MALRD1: variants seen among roughly 807,000 people sequenced by gnomAD.
The protein encoded by MALRD1 is MAM and LDL-receptor class A domain-containing protein 1.
In MALRD1, 247 loss-of-function variants were observed where a neutral mutation model predicts 242.1. That is an observed-to-expected ratio of 1.02 (90% CI 0.92 to 1.13). The LOEUF (loss-of-function observed/expected upper bound fraction) is 1.13. Ranked by LOEUF, MALRD1 falls within the 50% of genes most tolerant of loss-of-function variation. MALRD1 has a pLI of 0.00. For synonymous variants in MALRD1, 995 were observed against 866.6 expected (o/e 1.15, Z -2.60); for missense variants, 2,989 against 2,533.1 (o/e 1.18, Z -3.86).
At chr10:19,461,590 G>A (rs901292528) in intron 29 of MALRD1, among the ~76,000 whole-genome samples, 2 of 152,100 alleles carry the variant, frequency 1.3e-5, no homozygotes, top group African/African-American at 2.4e-5. Context: ...GCTCACATCT[G>A]TAATCCTACA....
intron 18 of MALRD1, among the ~76,000 whole-genome samples, chr10:19,235,070 T>C (rs1838251761): frequency 6.6e-6 from 1 of 152,154 alleles, no homozygotes; most frequent in Non-Finnish European, 1.5e-5. Flanking sequence ...AGTAGCCAGA[T>C]CAAGGATATC....
chr10:19,352,156 G>A lies in MALRD1; in HGVS notation c.4300G>A (p.Glu1434Lys), dbSNP rs1844409851. 1 of 1,550,594 alleles carries A rather than the reference G, an allele frequency of 6.4e-7. No individual in the cohort carries two copies. Among genetic ancestry groups the A allele is most frequent in the Admixed American group, 2.0e-5 (1 of 50,988 alleles). ...RREELSLFGD[E>K]DFQLKFEGRV... is the part of the protein sequence containing the mutation. ...AGAAGAACTGTCACTGTTTGGTGAT[G>A]AAGACTTCCAACTCAAATTTGAAGG... The change falls in exon 26 of 40, where the codon GAA becomes AAA. Residue 1434 changes from glutamate to lysine, a missense_variant. Glu to Lys is a moderately conservative substitution (Grantham distance 56). Coordinates refer to ENST00000454679, the MANE Select transcript of MALRD1 (RefSeq NM_001142308.3).
chr10:19,069,891 C>T (rs1202515083), intron 2 of MALRD1, among the ~76,000 whole-genome samples: 5 of 151,924 alleles, frequency 3.3e-5, no homozygotes, highest in Non-Finnish European at 5.9e-5. Context: ...AAATGTACGC[C>T]GTCTGCCAAT....
intron 14 of MALRD1, among the ~76,000 whole-genome samples, chr10:19,182,513 G>A (rs908971522): frequency 2.0e-5 from 3 of 150,990 alleles, no homozygotes; most frequent in African/African-American, 7.3e-5. Flanking sequence ...TATTTTTTTA[G>A]TAGAGACGGG....
At chr10:19,211,355 G>T (rs911012487) in intron 18 of MALRD1, among the ~76,000 whole-genome samples, 4 of 151,934 alleles carry the variant, frequency 2.6e-5, no homozygotes, top group Non-Finnish European at 5.9e-5. Flanking sequence ...GGCCCGAAAA[G>T]ATGAAATCAG....
At chr10:19,667,170 A>G (rs1428372633) in intron 36 of MALRD1, among the ~76,000 whole-genome samples, 4 of 152,094 alleles carry the variant, frequency 2.6e-5, no homozygotes, top group Non-Finnish European at 5.9e-5. Context: ...AAAACTTTGG[A>G]CTGAGGCCAG....
chr10:19,120,092 A>G (rs989510101), intron 5 of MALRD1, among the ~76,000 whole-genome samples: 11 of 152,146 alleles, frequency 7.2e-5, no homozygotes, highest in Admixed American at 3.9e-4. Flanking sequence ...CATTTAGGAA[A>G]GGGTTTAATA....
Position 19,340,501 on chromosome 10 carries a change from C to T in MALRD1, c.3902-7270C>T, listed in dbSNP as rs372052169. ...AGCAAAAAATAGGAGGAAAAGGGCA[C>T]AAATCCAGACATGAAAGTAAATGTT... On this transcript the variant is annotated intron_variant, in intron 24 of 39. Coordinates refer to ENST00000454679, the MANE Select transcript of MALRD1 (RefSeq NM_001142308.3). 1.4e-4 allele frequency among the ~76,000 whole-genome samples: 22 copies of T among 152,110 alleles called. No individual in the cohort carries two copies. In the South Asian group the frequency reaches 4.2e-3, roughly 29 times the overall value.
At chr10:19,345,706 G>T (rs1051303288) in intron 24 of MALRD1, among the ~76,000 whole-genome samples, 1 of 151,716 alleles carries the variant, frequency 6.6e-6, no homozygotes, top group African/African-American at 2.4e-5. Context: ...ATTTGTATTG[G>T]CTGTTAAACA....
In MALRD1 at chr10:19,630,844, C is replaced by T. The variant is rs540659117; in HGVS notation, c.6137+14921C>T. Among the ~76,000 whole-genome samples the T allele has an allele frequency of 7.0e-4, 107 of 152,120 alleles. 1 individual carries two copies. Among genetic ancestry groups the T allele is most frequent in the South Asian group, 5.8e-3 (28 of 4,824 alleles). On this transcript the variant is annotated intron_variant, in intron 36 of 39. Transcript: ENST00000454679. ...TATATTTATATTGACAAGTATTTGCCTATATTTTTTGGTTTGTTTTTATGG... is the reference window on the plus strand; with the variant it reads ...TATATTTATATTGACAAGTATTTGCTTATATTTTTTGGTTTGTTTTTATGG...
chr10:19,238,647 A>G (rs1244539112), intron 18 of MALRD1, among the ~76,000 whole-genome samples: 1 of 122,998 alleles, frequency 8.1e-6, no homozygotes, highest in Admixed American at 9.4e-5. Context: ...TGATTATTAG[A>G]AATAGTGCTA....
chr10:19,504,663 CATTTTTTT>C (rs1177159669), intron 31 of MALRD1, among the ~76,000 whole-genome samples: 3 of 128,698 alleles, frequency 2.3e-5, no homozygotes, highest in African/African-American at 9.5e-5. Context: ...TATTGTAACA[CATTTTTTT>C]TTTTTTTTTT....
chr10:19,648,423 C>T (rs956463930), intron 36 of MALRD1, among the ~76,000 whole-genome samples: 1 of 152,168 alleles, frequency 6.6e-6, no homozygotes. Flanking sequence ...GAGGTTGAGT[C>T]CACCAAGTTA....
intron 38 of MALRD1, among the ~76,000 whole-genome samples, chr10:19,693,927 C>A (rs1403564890): frequency 2.0e-5 from 3 of 152,058 alleles, no homozygotes; most frequent in African/African-American, 7.3e-5. Flanking sequence ...TACCACACAT[C>A]TACAACCATC....
chr10:19,392,733 T>G (rs1489160387), intron 28 of MALRD1, among the ~76,000 whole-genome samples: 1 of 152,242 alleles, frequency 6.6e-6, no homozygotes, highest in Non-Finnish European at 1.5e-5. Flanking sequence ...TTGATGTTAA[T>G]TTTTTCATTT....
chr10:19,178,040 A>G (rs899980542), intron 14 of MALRD1, among the ~76,000 whole-genome samples: 22 of 152,080 alleles, frequency 1.4e-4, no homozygotes, highest in African/African-American at 3.6e-4. Context: ...GCCTTTCCTG[A>G]GCTCTTACCG....
Position 19,389,504 on chromosome 10 carries a change from A to C in MALRD1, c.4740A>C (p.Ala1580=). 6.5e-7 allele frequency: 1 copy of C among 1,549,358 alleles called. No homozygotes were observed. Among genetic ancestry groups the C allele is most frequent in the Non-Finnish European group, 8.7e-7 (1 of 1,146,940 alleles). The change falls in exon 28 of 40, where the codon GCA becomes GCC. Residue 1580 remains alanine, a synonymous_variant. Transcript: ENST00000454679. The part of the protein sequence containing the change: ...ATAVGLRGDK[A]HFRSTMWRES... ...CAGTGGGCCTTCGGGGTGACAAAGC[A>C]CACTTCAGGAGTACCATGTGGCGAG... is the stretch of plus-strand genomic sequence containing the variant.
intron 21 of MALRD1, among the ~76,000 whole-genome samples, chr10:19,312,491 A>C (rs1353231919): frequency 1.3e-5 from 2 of 150,708 alleles, no homozygotes; most frequent in African/African-American, 4.9e-5. Context: ...AGGGATTAAA[A>C]TTTGAAAGCA....
chr10:19,369,492 A>C (rs1224421794), intron 26 of MALRD1, among the ~76,000 whole-genome samples: 1 of 148,840 alleles, frequency 6.7e-6, no homozygotes, highest in African/African-American at 2.4e-5. Context: ...GGATGGAAGT[A>C]TCATTGTGTG....
Sources: allele counts gnomAD v4.1 joint callset (sites outside exome capture counted in the v4.1 genomes callset), GRCh38; gene constraint gnomAD v4.1.1; transcripts MANE v1.5; gene names NCBI Gene and HGNC (gene_info 2026-07-23, HGNC 2026-07-21).